CGGBP1: variants seen among roughly 807,000 people sequenced by gnomAD.
The protein encoded by CGGBP1 is CGG triplet repeat-binding protein 1.
A neutral mutation model predicts 11.4 loss-of-function variants in CGGBP1; 4 were observed. That is an observed-to-expected ratio of 0.35 (90% CI 0.17 to 0.80). CGGBP1 has a LOEUF of 0.80. CGGBP1 is among the 30% of genes least tolerant of loss of function. CGGBP1 has a pLI of 0.52. For synonymous variants in CGGBP1, 76 were observed against 74.1 expected (o/e 1.03, Z -0.13); for missense variants, 135 against 202.1 (o/e 0.67, Z 2.01).
At chr3:88,097,867 A>G (rs916403582) in intron 2 of CGGBP1, among the ~76,000 whole-genome samples, 2 of 152,228 alleles carry the variant, frequency 1.3e-5, no homozygotes, top group African/African-American at 4.8e-5. Flanking sequence ...CTAAATGCCC[A>G]CAAGAGAAAG....
rs544837861 is a variant in CGGBP1, at chr3:88,106,796, G to T, written c.-229+34174C>A. On this transcript the variant is annotated intron_variant, in intron 2 of 3. Transcript: ENST00000462901. ...TAGTTAAACATTTCTCAGTAACCAA[G>T]TTATATGAGGATTTTTTTTTCTGAT... Among the ~76,000 whole-genome samples the T allele has an allele frequency of 3.9e-4, 60 of 152,178 alleles. No individual in the cohort carries two copies. In the South Asian group the frequency reaches 0.012, roughly 31 times the overall value.
At chr3:88,120,004 A>C (rs1464125220) in intron 2 of CGGBP1, among the ~76,000 whole-genome samples, 1 of 152,142 alleles carries the variant, frequency 6.6e-6, no homozygotes, top group Admixed American at 6.6e-5. Context: ...TCATATTTTA[A>C]ATATTCTTTT....
intron 1 of CGGBP1, 60 bp downstream of exon 1, chr3:88,058,755 C>T (rs543403527): frequency 2.0e-5 from 3 of 152,628 alleles, no homozygotes; most frequent in Non-Finnish European, 4.4e-5. Context: ...CGGAAGGCCC[C>T]GGGCCCAGAG....
At chr3:88,135,151 A>G in intron 2 of CGGBP1, 1 of 1,492,640 alleles carries the variant, frequency 6.7e-7, no homozygotes, top group Non-Finnish European at 8.9e-7. Flanking sequence ...TTTTAAGAAC[A>G]GCAACTAATG....
chr3:88,133,536 G>C (rs145459291), intron 2 of CGGBP1, among the ~76,000 whole-genome samples: 2 of 152,234 alleles, frequency 1.3e-5, no homozygotes, highest in Admixed American at 6.6e-5. Context: ...AGAGATACTT[G>C]ATAGGGCCTT....
chr3:88,086,426 A>C (rs1415514736), intron 2 of CGGBP1: 1 of 1,452,470 alleles, frequency 6.9e-7, no homozygotes, highest in African/African-American at 1.4e-5. Context: ...ACTTCTTATA[A>C]ATGCATTATT....
intron 2 of CGGBP1, chr3:88,140,478 A>C: frequency 6.2e-7 from 1 of 1,613,758 alleles, no homozygotes; most frequent in Non-Finnish European, 8.5e-7. Flanking sequence ...GAAAACAGAC[A>C]GTTTAGTTCA....
chr3:88,061,620 T>A (rs778191694), upstream of CGGBP1, among the ~76,000 whole-genome samples: 45 of 152,206 alleles, frequency 3.0e-4, no homozygotes, highest in Non-Finnish European at 5.4e-4. Flanking sequence ...AGCTTTTAGA[T>A]GGAATAAAAT....
intron 1 of CGGBP1, among the ~76,000 whole-genome samples, chr3:88,149,283 C>A (rs941238449): frequency 1.3e-5 from 2 of 152,154 alleles, no homozygotes; most frequent in Non-Finnish European, 2.9e-5. Context: ...GGGGAAAAGG[C>A]TAAGGAGCTT....
At chr3:88,083,342 C>G (rs1708178632) in intron 2 of CGGBP1, among the ~76,000 whole-genome samples, 1 of 152,098 alleles carries the variant, frequency 6.6e-6, no homozygotes, top group Admixed American at 6.5e-5. Flanking sequence ...TGAGTCTTTT[C>G]TCATTCTCAC....
intron 2 of CGGBP1, among the ~76,000 whole-genome samples, chr3:88,113,687 C>G (rs1705226116): frequency 6.6e-6 from 1 of 152,080 alleles, no homozygotes; most frequent in Admixed American, 6.6e-5. Flanking sequence ...AGATGAAAGA[C>G]ATTTGATCTT....
At chr3:88,147,464 G>A (rs1240134813) in intron 1 of CGGBP1, among the ~76,000 whole-genome samples, 2 of 152,270 alleles carry the variant, frequency 1.3e-5, no homozygotes, top group Non-Finnish European at 2.9e-5. Flanking sequence ...GGGAACCACT[G>A]ACTAGTCTGG....
intron 2 of CGGBP1, chr3:88,113,134 C>T: frequency 1.3e-6 from 2 of 1,533,350 alleles, no homozygotes; most frequent in Non-Finnish European, 1.7e-6. Context: ...TGAGTTGCTG[C>T]TGTTCTTTGG....
chr3:88,066,577 AAC>A (rs1438124712), intron 2 of CGGBP1, among the ~76,000 whole-genome samples: 14 of 151,860 alleles, frequency 9.2e-5, no homozygotes, highest in Admixed American at 2.0e-4. Flanking sequence ...CAAACAAACA[AAC>A]AAAAAAAACA....
chr3:88,131,932 T>C (rs4337654), intron 2 of CGGBP1, among the ~76,000 whole-genome samples: 114,562 of 151,960 alleles, frequency 0.75, 45,021 homozygotes, highest in South Asian at 0.91. Flanking sequence ...TCTGTGTGAA[T>C]AGAACCAGAT....
intron 1 of CGGBP1, among the ~76,000 whole-genome samples, chr3:88,146,683 CTCA>C (rs1319592944): frequency 1.3e-5 from 2 of 152,188 alleles, no homozygotes; most frequent in Non-Finnish European, 2.9e-5. Flanking sequence ...CGCACCTACC[CTCA>C]TCATGTAATT....
chr3:88,128,718 G>A (rs1259957791), intron 2 of CGGBP1: 1 of 847,134 alleles, frequency 1.2e-6, no homozygotes, highest in Non-Finnish European at 1.8e-6. Flanking sequence ...AATCTAATTA[G>A]AAACCATATT....
intron 2 of CGGBP1, among the ~76,000 whole-genome samples, chr3:88,108,908 C>G (rs1016551930): frequency 2.6e-5 from 4 of 151,946 alleles, no homozygotes; most frequent in African/African-American, 7.3e-5. Context: ...TTGTGAGGGA[C>G]AAAGAAATTC....
chr3:88,054,272 G>C lies in CGGBP1; in HGVS notation c.*1201C>G, dbSNP rs1218122110. On this transcript the variant is annotated 3_prime_UTR_variant, in exon 4 of 4. Coordinates refer to ENST00000482016, the MANE Select transcript of CGGBP1 (RefSeq NM_001008390.2). ...TTTAAAAAATATAATTTGGGTCTCT[G>C]ATAGAACTTAGCTGGGCTAAGCTAC... 2 of 152,528 alleles carry C rather than the reference G, an allele frequency of 1.3e-5. No individual in the cohort carries two copies. The highest frequency in any genetic ancestry group is 4.8e-5 in the African/African-American group (2 of 41,456). The allele number at this position is 152,528 out of a possible 1,614,324, so 9.4% of individuals were successfully genotyped here.
Sources: gnomAD v4.1 joint callset for allele counts (sites outside exome capture counted in the v4.1 genomes callset) on GRCh38, gnomAD v4.1.1 for gene constraint, MANE v1.5 for transcripts, NCBI Gene and HGNC (gene_info 2026-07-23, HGNC 2026-07-21) for gene names.